Variants in CACNA2D3 observed in about 807,000 individuals in gnomAD.
The protein encoded by CACNA2D3 is calcium voltage-gated channel auxiliary subunit alpha2delta 3.
A neutral mutation model predicts 160.6 loss-of-function variants in CACNA2D3; 60 were observed. The ratio of observed to expected loss-of-function variants is 0.37; its 90% confidence interval spans 0.30 to 0.46. CACNA2D3 has a LOEUF of 0.46. Ranked by LOEUF, CACNA2D3 falls within the 20% of genes least tolerant of loss-of-function variation. The pLI, the probability that CACNA2D3 is intolerant of heterozygous loss-of-function variation, is 1.00. For missense variants in CACNA2D3, 1,205 were observed against 1,365.0 expected, an observed-to-expected ratio of 0.88 and a Z score of 1.85; for synonymous variants, 558 against 492.9, an observed-to-expected ratio of 1.13 and a Z score of -1.75.
intron 31 of CACNA2D3, among the ~76,000 whole-genome samples, chr3:54,991,538 G>A (rs1212845929): frequency 6.6e-6 from 1 of 151,726 alleles, no homozygotes; most frequent in African/African-American, 2.4e-5. Flanking sequence ...CAACTATGAA[G>A]AGAAAATCTA....
At chr3:54,218,714 T>C (rs1376695966) in intron 2 of CACNA2D3, among the ~76,000 whole-genome samples, 2 of 152,206 alleles carry the variant, frequency 1.3e-5, no homozygotes, top group Non-Finnish European at 2.9e-5. Flanking sequence ...ATTGATTTTA[T>C]ACAAGGACTA....
chr3:54,228,556 C>T (rs1302966265), intron 2 of CACNA2D3, among the ~76,000 whole-genome samples: 1 of 152,206 alleles, frequency 6.6e-6, no homozygotes, highest in African/African-American at 2.4e-5. Context: ...ATCTCTTTAG[C>T]AACTTCATGG....
chr3:54,815,650 G>A (rs1332872841), intron 13 of CACNA2D3, among the ~76,000 whole-genome samples: 7 of 152,176 alleles, frequency 4.6e-5, no homozygotes, highest in Admixed American at 2.0e-4. Flanking sequence ...GAATTAGTAT[G>A]TTCTAAAGTC....
At chr3:54,313,008 T>C (rs1703774389) in intron 2 of CACNA2D3, among the ~76,000 whole-genome samples, 2 of 152,152 alleles carry the variant, frequency 1.3e-5, no homozygotes, top group Non-Finnish European at 2.9e-5. Flanking sequence ...AACACAATGC[T>C]TGCTAGAATC....
At chr3:54,263,075 A>G (rs1186330192) in intron 2 of CACNA2D3, among the ~76,000 whole-genome samples, 1 of 152,198 alleles carries the variant, frequency 6.6e-6, no homozygotes, top group Non-Finnish European at 1.5e-5. Context: ...GTGTGTGTAT[A>G]TACTCATAGA....
intron 14 of CACNA2D3, among the ~76,000 whole-genome samples, chr3:54,821,144 T>C (rs933498810): frequency 6.6e-6 from 1 of 152,234 alleles, no homozygotes; most frequent in Non-Finnish European, 1.5e-5. Flanking sequence ...AAAGGTTTCC[T>C]AGGTGCTCTA....
chr3:54,355,975 G>A (rs1698642713), intron 3 of CACNA2D3, among the ~76,000 whole-genome samples: 1 of 152,152 alleles, frequency 6.6e-6, no homozygotes, highest in South Asian at 2.1e-4. Context: ...GAACTGCTAA[G>A]TCCTTGGTCA....
intron 27 of CACNA2D3, among the ~76,000 whole-genome samples, chr3:54,924,123 G>A (rs1214424321): frequency 1.3e-5 from 2 of 152,196 alleles, no homozygotes; most frequent in Non-Finnish European, 2.9e-5. Flanking sequence ...GAGAGGCCCT[G>A]TTGCACCCAA....
At chr3:54,648,722 T>C (rs1026714991) in intron 11 of CACNA2D3, among the ~76,000 whole-genome samples, 4 of 152,252 alleles carry the variant, frequency 2.6e-5, no homozygotes, top group Admixed American at 1.3e-4. Flanking sequence ...ACAAGAAATA[T>C]GGTGCCAGCA....
intron 35 of CACNA2D3, among the ~76,000 whole-genome samples, chr3:55,022,526 TCTTC>T (rs1419241205): frequency 2.1e-5 from 3 of 142,934 alleles, no homozygotes; most frequent in South Asian, 2.1e-4. Flanking sequence ...TTTGTTCCTT[TCTTC>T]CTTCCTTCTT....
chr3:55,025,008 A>C (rs947941297), intron 35 of CACNA2D3, among the ~76,000 whole-genome samples: 2 of 152,190 alleles, frequency 1.3e-5, no homozygotes, highest in Admixed American at 1.3e-4. Context: ...CAGTCATCAT[A>C]ACTACAAACT....
chr3:54,846,330 T>A (rs1449265914), intron 16 of CACNA2D3, 63 bp from the exon 17 acceptor site: 1 of 1,069,778 alleles, frequency 9.3e-7, no homozygotes, highest in East Asian at 2.5e-5. Context: ...CGGGCTGCTT[T>A]ATGCTTTGTG....
At chr3:54,853,370 G>A (rs528151425) in intron 17 of CACNA2D3, among the ~76,000 whole-genome samples, 1 of 152,310 alleles carries the variant, frequency 6.6e-6, no homozygotes. Context: ...GCTGATGGTT[G>A]GATATCTGAG....
chr3:54,336,178 A>T (rs1016683125), intron 3 of CACNA2D3, among the ~76,000 whole-genome samples: 4 of 152,016 alleles, frequency 2.6e-5, no homozygotes, highest in African/African-American at 9.7e-5. Context: ...TAGTCTTCTT[A>T]CGCATGGACG....
intron 34 of CACNA2D3, among the ~76,000 whole-genome samples, chr3:55,011,074 G>A (rs1351273081): frequency 3.3e-5 from 5 of 152,290 alleles, no homozygotes; most frequent in East Asian, 1.9e-4. Flanking sequence ...TCGTTTTGCC[G>A]GAATCCAGGA....
chr3:55,041,589 A>G (rs1247401632), intron 35 of CACNA2D3, among the ~76,000 whole-genome samples: 1 of 152,170 alleles, frequency 6.6e-6, no homozygotes, highest in Non-Finnish European at 1.5e-5. Flanking sequence ...ATGATTTTCT[A>G]AAGCTTTTAT....
intron 2 of CACNA2D3, among the ~76,000 whole-genome samples, chr3:54,171,437 A>C (rs146131351): frequency 6.6e-6 from 1 of 152,238 alleles, no homozygotes; most frequent in African/African-American, 2.4e-5. Context: ...ATGCTGCCCT[A>C]AGTAAATCAC....
At chr3:54,950,333 C>A (rs1701727427) in intron 27 of CACNA2D3, among the ~76,000 whole-genome samples, 1 of 152,132 alleles carries the variant, frequency 6.6e-6, no homozygotes, top group Non-Finnish European at 1.5e-5. Flanking sequence ...ACAGATGCAG[C>A]CACTACAAAG....
intron 2 of CACNA2D3, among the ~76,000 whole-genome samples, chr3:54,229,221 T>C (rs1701726294): frequency 1.3e-5 from 2 of 151,826 alleles, no homozygotes; most frequent in Non-Finnish European, 2.9e-5. Flanking sequence ...AGACGGAGTC[T>C]CGCTCTGTCG....
Sources: gnomAD v4.1 joint callset for allele counts (sites outside exome capture counted in the v4.1 genomes callset) on GRCh38, gnomAD v4.1.1 for gene constraint, MANE v1.5 for transcripts, NCBI Gene and HGNC (gene_info 2026-07-23, HGNC 2026-07-21) for gene names.